Variants in PALLD observed in about 807,000 individuals in gnomAD.
PALLD encodes palladin.
A neutral mutation model predicts 123.5 loss-of-function variants in PALLD; 61 were observed. The observed-to-expected ratio is 0.49, with a 90% CI of 0.40 to 0.61. PALLD has a LOEUF of 0.61. Among genes scored for constraint, PALLD ranks in the 20% least tolerant of loss-of-function variants. PALLD has a pLI of 0.00. For missense variants in PALLD, 1,273 were observed against 1,377.0 expected (o/e 0.92, Z 1.20); for synonymous variants, 465 against 496.4 (o/e 0.94, Z 0.84).
intron 10 of PALLD, among the ~76,000 whole-genome samples, chr4:168,879,366 GAA>G (rs1752304015): frequency 6.6e-6 from 1 of 152,166 alleles, no homozygotes; most frequent in Non-Finnish European, 1.5e-5. Context: ...TCATTTTACT[GAA>G]GATTTCAAAA....
chr4:168,681,785 C>A (rs917227964), intron 4 of PALLD, among the ~76,000 whole-genome samples: 1 of 151,914 alleles, frequency 6.6e-6, no homozygotes, highest in Admixed American at 6.6e-5. Flanking sequence ...TGGACTCAAG[C>A]GATCCTCCTG....
intron 2 of PALLD, among the ~76,000 whole-genome samples, chr4:168,525,866 C>T (rs1763994984): frequency 1.3e-5 from 2 of 152,116 alleles, no homozygotes; most frequent in African/African-American, 4.8e-5. Flanking sequence ...TGTTTCTATC[C>T]TATTACAAAT....
intron 10 of PALLD, among the ~76,000 whole-genome samples, chr4:168,873,471 T>A (rs541115812): frequency 6.6e-6 from 1 of 152,232 alleles, no homozygotes; most frequent in Non-Finnish European, 1.5e-5. Context: ...GAATACCCCA[T>A]CTTTATTATG....
rs1781942769 is a variant in PALLD, at chr4:168,685,491, A to C, written c.1267A>C (p.Ser423Arg). 6.2e-7 allele frequency: 1 copy of C among 1,608,404 alleles called. No individual in the cohort carries two copies. Among genetic ancestry groups the C allele is most frequent in the Non-Finnish European group, 8.5e-7 (1 of 1,174,918 alleles). The change falls in exon 6 of 22, where the codon AGT becomes CGT. Residue 423 changes from serine (S) to arginine (R), a missense_variant. Physicochemically the swap from Ser to Arg is moderately radical, Grantham distance 110 (BLOSUM62 -1). Coordinates refer to ENST00000505667, the MANE Select transcript of PALLD (RefSeq NM_001166108.2). ...PLSVPVQQVH[S>R]PTSYLCRPDG... is the part of the protein sequence containing the mutation. Reference sequence around the variant, plus strand: ...TATGTCTCTGCTTTTGCAGGTTCACAGTCCAACTTCATATCTCTGCCGACC... The same window carrying C: ...TATGTCTCTGCTTTTGCAGGTTCACCGTCCAACTTCATATCTCTGCCGACC...
At chr4:168,694,089 A>G (rs1230569925) in intron 8 of PALLD, among the ~76,000 whole-genome samples, 1 of 152,212 alleles carries the variant, frequency 6.6e-6, no homozygotes, top group Non-Finnish European at 1.5e-5. Context: ...CAGAGGAAAA[A>G]ACAAAAAATA....
chr4:168,918,222 G>A (rs1454899403), intron 17 of PALLD, among the ~76,000 whole-genome samples: 12 of 150,778 alleles, frequency 8.0e-5, no homozygotes, highest in Non-Finnish European at 1.8e-4. Flanking sequence ...AATGAAATCA[G>A]TAGCAATATC....
rs1376065580 is a variant in PALLD at position 168,718,012 on chromosome 4, G to A, written c.1964+6089G>A. ...CAGTGCAATCACACTGCTATTTCAA[G>A]GTGTGTGTACTTGACATGTTAACAC... On this transcript the variant is annotated intron_variant, in intron 10 of 21. Transcript: ENST00000505667. Among the ~76,000 whole-genome samples the A allele has an allele frequency of 2.0e-5, 3 of 152,176 alleles. No homozygotes were observed. In the East Asian group the frequency reaches 5.8e-4, roughly 29 times the overall value.
At chr4:168,757,587 A>T (rs1437292736) in intron 10 of PALLD, among the ~76,000 whole-genome samples, 1 of 152,228 alleles carries the variant, frequency 6.6e-6, no homozygotes, top group African/African-American at 2.4e-5. Flanking sequence ...AGAAAGAACG[A>T]AATCTCAGGA....
intron 1 of PALLD, among the ~76,000 whole-genome samples, chr4:168,502,845 A>G (rs944696901): frequency 6.6e-6 from 1 of 152,238 alleles, no homozygotes; most frequent in African/African-American, 2.4e-5. Flanking sequence ...TCAAGGCTAC[A>G]GTGAGCTATG....
intron 10 of PALLD, among the ~76,000 whole-genome samples, chr4:168,776,986 A>C (rs1735248045): frequency 6.6e-6 from 1 of 152,182 alleles, no homozygotes; most frequent in Non-Finnish European, 1.5e-5. Context: ...CGGTAGCTAC[A>C]GTTTACTTAA....
intron 2 of PALLD, among the ~76,000 whole-genome samples, chr4:168,610,282 G>T (rs1459042376): frequency 6.6e-6 from 1 of 152,104 alleles, no homozygotes; most frequent in African/African-American, 2.4e-5. Flanking sequence ...TCATCTCCTT[G>T]ATTGATTAAG....
chr4:168,661,986 C>G (rs1779179501), intron 2 of PALLD, among the ~76,000 whole-genome samples: 1 of 151,896 alleles, frequency 6.6e-6, no homozygotes, highest in Non-Finnish European at 1.5e-5. Flanking sequence ...TTTATAAGTC[C>G]TTAAGAATTG....
intron 17 of PALLD, among the ~76,000 whole-genome samples, chr4:168,917,404 G>C (rs1039307932): frequency 2.0e-5 from 3 of 152,086 alleles, no homozygotes; most frequent in African/African-American, 7.2e-5. Flanking sequence ...TTAGGTGTTT[G>C]AACTCTGAAA....
At chr4:168,604,450 CCAAA>C (rs1482003382) in intron 2 of PALLD, among the ~76,000 whole-genome samples, 1 of 152,034 alleles carries the variant, frequency 6.6e-6, no homozygotes, top group Non-Finnish European at 1.5e-5. Context: ...TAACAATCGG[CCAAA>C]CAATCTGCAA....
intron 10 of PALLD, among the ~76,000 whole-genome samples, chr4:168,812,739 T>G (rs546199425): frequency 6.6e-6 from 1 of 152,288 alleles, no homozygotes; most frequent in South Asian, 2.1e-4. Flanking sequence ...AGAGTCAAAG[T>G]TGGGAAAGCA....
intron 10 of PALLD, among the ~76,000 whole-genome samples, chr4:168,889,220 G>A (rs1256858861): frequency 6.7e-6 from 1 of 149,700 alleles, no homozygotes; most frequent in Non-Finnish European, 1.5e-5. Context: ...CTGGAGTGCA[G>A]TGGTGCGACC....
chr4:168,878,089 G>A, intron 10 of PALLD: 1 of 1,443,692 alleles, frequency 6.9e-7, no homozygotes. Flanking sequence ...GCGCCCCCGT[G>A]CCGCCCTTCG....
chr4:168,874,777 G>A (rs1173435804), intron 10 of PALLD, among the ~76,000 whole-genome samples: 1 of 152,132 alleles, frequency 6.6e-6, no homozygotes, highest in Non-Finnish European at 1.5e-5. Flanking sequence ...GTGGCCTTGA[G>A]TGTTACTTAA....
chr4:168,539,612 T>TAAATAAATAAAG (rs869262753), intron 2 of PALLD, among the ~76,000 whole-genome samples: 1 of 122,036 alleles, frequency 8.2e-6, no homozygotes, highest in African/African-American at 3.0e-5. Flanking sequence ...AATAAATAAA[T>TAAATAAATAAAG]AAAGATGCTT....
Sources: gnomAD v4.1 joint callset for allele counts (sites outside exome capture counted in the v4.1 genomes callset) on GRCh38, gnomAD v4.1.1 for gene constraint, MANE v1.5 for transcripts, NCBI Gene and HGNC (gene_info 2026-07-23, HGNC 2026-07-21) for gene names.